KIRREL2: variants seen among roughly 807,000 people sequenced by gnomAD.
KIRREL2 encodes kin of IRRE-like protein 2.
Under a neutral mutation model 73.4 loss-of-function variants are expected in KIRREL2, and 56 were observed. The ratio of observed to expected loss-of-function variants is 0.76; its 90% CI spans 0.62 to 0.95. The LOEUF (loss-of-function observed/expected upper bound fraction) is 0.95, where lower values mean the gene tolerates loss of function less well. KIRREL2 is among the 40% of genes least tolerant of loss of function. KIRREL2 has a pLI of 0.00. For synonymous variants in KIRREL2, 407 were observed against 404.0 expected, an observed-to-expected ratio of 1.01 and a Z score of -0.09; for missense variants, 896 against 935.0, an observed-to-expected ratio of 0.96 and a Z score of 0.54.
chr19:35,858,013 A>T (rs527939668), intron 2 of KIRREL2, among the ~76,000 whole-genome samples: 6 of 151,348 alleles, frequency 4.0e-5, no homozygotes, highest in African/African-American at 1.5e-4. Flanking sequence ...AAAAGAGAAC[A>T]TAAATGCAAA....
Position 35,860,964 on chromosome 19 carries a change from C to G in KIRREL2, c.984C>G (p.Asp328Glu), listed in dbSNP as rs377220880. Residue 328 changes from aspartate to glutamate, a missense_variant, in exon 8 of 15, where the codon GAC becomes GAG. Physicochemically the swap from Asp to Glu is conservative, Grantham distance 45. Transcript: ENST00000360202. ...CCGTGTCCGTGGACGTGGGGGAAGA[C>G]GCTTCCTTCAGCTGCGCCTGGCGCG... Reference protein sequence around the residue: ...PEPVSVDVGEDASFSCAWRGN... With the variant: ...PEPVSVDVGEEASFSCAWRGN... 5.6e-6 allele frequency: 9 copies of G among 1,613,814 alleles called. No homozygotes were observed. Among genetic ancestry groups the G allele is most frequent in the Admixed American group, 1.7e-5 (1 of 59,946 alleles).
At chr19:35,862,891 G>A (rs934233561) in intron 12 of KIRREL2, 36 bp from the exon 13 acceptor site, 47 of 1,279,788 alleles carry the variant, frequency 3.7e-5, no homozygotes, top group Middle Eastern at 3.9e-4. Flanking sequence ...TTGTGACCCC[G>A]CCCATCGCTT....
upstream of KIRREL2, among the ~76,000 whole-genome samples, chr19:35,852,879 G>A (rs1023696441): frequency 6.6e-6 from 1 of 151,938 alleles, no homozygotes; most frequent in African/African-American, 2.4e-5. Flanking sequence ...CCCATGGCTT[G>A]AACCTCCCAG....
Position 35,860,402 on chromosome 19 carries a change from G to A in KIRREL2, c.779G>A (p.Arg260Lys), listed in dbSNP as rs751640982. ...GCCCAGCCTCCTGTCACAGGCTACA[G>A]GTGAGGACGAAGACCCACCTCTCCC... is the stretch of plus-strand genomic sequence containing the variant. ...ATAQPPVTGYRWAKGGSPVLG... is the reference protein window; with the variant it reads ...ATAQPPVTGYKWAKGGSPVLG... Residue 260 changes from arginine to lysine, a missense_variant and splice_region_variant, in exon 6 of 15, where the codon AGG (arginine) becomes AAG (lysine). By Grantham distance (26) the Arg-to-Lys change is conservative (BLOSUM62 2). Coordinates refer to ENST00000360202, the MANE Select transcript of KIRREL2 (RefSeq NM_199180.4). 1.2e-6 allele frequency: 2 copies of A among 1,612,598 alleles called. No individual in the cohort carries two copies. Among genetic ancestry groups the A allele is most frequent in the Non-Finnish European group, 1.7e-6 (2 of 1,179,914 alleles).
At chr19:35,864,962 G>A (rs1285509240) in intron 14 of KIRREL2, among the ~76,000 whole-genome samples, 1 of 151,980 alleles carries the variant, frequency 6.6e-6, no homozygotes, top group East Asian at 1.9e-4. Context: ...TGGAGCCCCA[G>A]ACCAGGGCTC....
At position 35,861,113 on chromosome 19, in the gene KIRREL2, C is replaced by T. The variant is rs753397284; in HGVS notation, c.1057-9C>T. On this transcript the variant is annotated splice_polypyrimidine_tract_variant and intron_variant, in intron 8 of 14. Transcript: ENST00000360202. ...AAATCCGGCTTCTGACGCCCCTTCC[C>T]TGTCGCAGGTGCTGGGCTCTGGAGC... 5 of 1,607,220 alleles carry T rather than the reference C, an allele frequency of 3.1e-6. No individual in the cohort carries two copies. The South Asian group carries it at 5.5e-5, about 18-fold the overall frequency.
At position 35,863,026 on chromosome 19, in the gene KIRREL2, G is replaced by T. The variant is rs199552023; in HGVS notation, c.1715G>T (p.Arg572Leu). Residue 572 changes from arginine to leucine, a missense_variant, in exon 13 of 15, where the codon CGC becomes CTC. Coordinates refer to ENST00000360202, the MANE Select transcript of KIRREL2 (RefSeq NM_199180.4). ...CCTGAAGAAGAGGAGACAGGCAGCC[G>T]CGAGGACCGGGTAGGATGCCAGGGT... ...RGPEEEETGS[R>L]EDRGPIVHTD... 18 of 1,572,734 alleles carry T rather than the reference G, an allele frequency of 1.1e-5. 1 individual carries two copies. The highest frequency in any genetic ancestry group is 2.3e-5 in the South Asian group (2 of 86,060).
In KIRREL2 at chr19:35,861,022, C is replaced by G. The variant is rs755656040; in HGVS notation, c.1042C>G (p.Arg348Gly). ...NPLPRVTWTR[R>G]GGAQVLGSGA... is the part of the protein sequence containing the mutation. ...GCTTCCACGGGTAACCTGGACCCGC[C>G]GCGGTGGCGCGCAGGTACAGCCCTA... Residue 348 changes from arginine (R) to glycine (G), a missense_variant, in exon 8 of 15, where the codon CGC becomes GGC. Coordinates refer to ENST00000360202, the MANE Select transcript of KIRREL2 (RefSeq NM_199180.4). The G allele has an allele frequency of 6.2e-7, 1 of 1,611,684 alleles. No individual in the cohort carries two copies. Among genetic ancestry groups the G allele is most frequent in the East Asian group, 2.2e-5 (1 of 44,856 alleles).
chr19:35,857,007 A>G lies in KIRREL2; in HGVS notation c.-113A>G, dbSNP rs1973446396. 9.3e-6 allele frequency: 10 copies of G among 1,074,440 alleles called. No individual in the cohort carries two copies. The highest frequency in any genetic ancestry group is 1.4e-5 in the Non-Finnish European group (10 of 695,924). 66.6% of individuals were successfully genotyped at this position (1,074,440 alleles called of 1,614,324 possible). Reference sequence around the variant, plus strand: ...TCCAGGCCAGAGACTAGGCTGGGCGAAGAGTCGAGCGTGAAGGGGGCTCCG... The same window carrying G: ...TCCAGGCCAGAGACTAGGCTGGGCGGAGAGTCGAGCGTGAAGGGGGCTCCG... On this transcript the variant is annotated 5_prime_UTR_variant, in exon 1 of 15. Transcript: ENST00000360202.
At chr19:35,851,777 C>A (rs1251375322), upstream of KIRREL2, 24 of 1,553,762 alleles carry the variant, frequency 1.5e-5, no homozygotes, top group Non-Finnish European at 2.0e-5. Flanking sequence ...GGATCCCACT[C>A]ACCTTCAGTC....
Position 35,866,692 on chromosome 19 carries a change from C to A in KIRREL2, c.*200C>A. On this transcript the variant is annotated 3_prime_UTR_variant, in exon 15 of 15. Coordinates refer to ENST00000360202, the MANE Select transcript of KIRREL2 (RefSeq NM_199180.4). ...ATGCCCCAAGTGGGAGCAACATGGC[C>A]ACCCAATATGCCCACCTATTCCCCG... 1.5e-6 allele frequency: 1 copy of A among 675,054 alleles called. No individual in the cohort carries two copies. The highest frequency in any genetic ancestry group is 2.5e-6 in the Non-Finnish European group (1 of 401,286). The allele number at this position is 675,054 out of a possible 1,614,324, so 41.8% of individuals were successfully genotyped here.
At position 35,860,980 on chromosome 19, in the gene KIRREL2, G is replaced by T. The variant is rs370488330; in HGVS notation, c.1000G>T (p.Ala334Ser). The T allele has an allele frequency of 1.4e-5, 22 of 1,613,390 alleles. No homozygotes were observed. Among genetic ancestry groups the T allele is most frequent in the Admixed American group, 1.7e-5 (1 of 59,930 alleles). ...DVGEDASFSC[A>S]WRGNPLPRVT... is the part of the protein sequence containing the mutation. Reference sequence around the variant, plus strand: ...GGGGGAAGACGCTTCCTTCAGCTGCGCCTGGCGCGGGAACCCGCTTCCACG... The same window carrying T: ...GGGGGAAGACGCTTCCTTCAGCTGCTCCTGGCGCGGGAACCCGCTTCCACG... The change falls in exon 8 of 15, where the codon GCC becomes TCC. Residue 334 changes from alanine to serine, a missense_variant. By Grantham distance (99) the Ala-to-Ser change is moderately conservative. Coordinates refer to ENST00000360202, the MANE Select transcript of KIRREL2 (RefSeq NM_199180.4).
rs1278937564 is a variant in KIRREL2 at position 35,861,807 on chromosome 19, C to T, written c.1293C>T (p.Val431=). The T allele has an allele frequency of 1.1e-5, 17 of 1,588,112 alleles. No homozygotes were observed. Among genetic ancestry groups the T allele is most frequent in the Non-Finnish European group, 1.4e-5 (16 of 1,167,234 alleles). Residue 431 remains valine, a splice_region_variant and synonymous_variant, in exon 11 of 15, where the codon GTC becomes GTT. Coordinates refer to ENST00000360202, the MANE Select transcript of KIRREL2 (RefSeq NM_199180.4). ...VFASPAPDAV[V]WSWDEGFLEA... Reference sequence around the variant, plus strand: ...TCCTCCCTCTTTTGTGCCCCCAGGTCTGGTCTTGGGATGAGGGCTTCCTGG... The same window carrying T: ...TCCTCCCTCTTTTGTGCCCCCAGGTTTGGTCTTGGGATGAGGGCTTCCTGG...
chr19:35,864,799 G>A, intron 14 of KIRREL2, 86 bp downstream of exon 14: 3 of 1,043,764 alleles, frequency 2.9e-6, no homozygotes, highest in Non-Finnish European at 4.4e-6. Context: ...TCCCACGCCT[G>A]TCCCCTCCTT....
intron 9 of KIRREL2, 51 bp downstream of exon 9, chr19:35,861,305 C>A: frequency 6.6e-7 from 1 of 1,507,258 alleles, no homozygotes; most frequent in Non-Finnish European, 8.8e-7. Context: ...GGATAGGGAG[C>A]GGACAGAGGG....
chr19:35,859,652 G>A (rs770024153), intron 5 of KIRREL2, 21 bp downstream of exon 5: 2 of 1,611,866 alleles, frequency 1.2e-6, no homozygotes, highest in Non-Finnish European at 1.7e-6. Context: ...CTGGCCCTGG[G>A]AAAGAGGGGT....
Position 35,864,729 on chromosome 19 carries a change from G to A in KIRREL2, c.1791+16G>A, listed in dbSNP as rs554373180. The A allele has an allele frequency of 1.4e-5, 23 of 1,593,616 alleles. No individual in the cohort carries two copies. Among genetic ancestry groups the A allele is most frequent in the South Asian group, 5.5e-5 (5 of 90,636 alleles). On this transcript the variant is annotated intron_variant, in intron 14 of 14. Coordinates refer to ENST00000360202, the MANE Select transcript of KIRREL2 (RefSeq NM_199180.4). Reference sequence around the variant, plus strand: ...GGAGACCAAGGTGAGTGTTGAGAGGGGTGGGGCTCCCTTCACTGTTGGGAG... The same window carrying A: ...GGAGACCAAGGTGAGTGTTGAGAGGAGTGGGGCTCCCTTCACTGTTGGGAG...
intron 5 of KIRREL2, 91 bp downstream of exon 5, chr19:35,859,722 A>G: frequency 8.9e-6 from 13 of 1,453,710 alleles, no homozygotes; most frequent in Non-Finnish European, 1.1e-5. Context: ...GGGAATGAGG[A>G]AACTGGAGCC....
rs1364170851 is a variant in KIRREL2 at position 35,858,545 on chromosome 19, C to A, written c.349C>A (p.Leu117Met). The A allele has an allele frequency of 6.2e-7, 1 of 1,614,078 alleles. No individual in the cohort carries two copies. Among genetic ancestry groups the A allele is most frequent in the Non-Finnish European group, 8.5e-7 (1 of 1,180,054 alleles). ...AGGCCTCCGCTCCAGACCAGCCCAA[C>A]TGCACGTGCTGGGTAAGGACCTCGC... Reference protein sequence around the residue: ...QAGLRSRPAQLHVLVPPEAPQ... With the variant: ...QAGLRSRPAQMHVLVPPEAPQ... Residue 117 changes from leucine (L) to methionine (M), a missense_variant, in exon 3 of 15, where the codon CTG (leucine) becomes ATG (methionine). Physicochemically the swap from Leu to Met is conservative, Grantham distance 15 (BLOSUM62 2). Transcript: ENST00000360202.
Sources: gnomAD v4.1 joint callset for allele counts (sites outside exome capture counted in the v4.1 genomes callset) on GRCh38, gnomAD v4.1.1 for gene constraint, MANE v1.5 for transcripts, NCBI Gene and HGNC (gene_info 2026-07-23, HGNC 2026-07-21) for gene names.